Variants in NPFFR2 observed in about 807,000 individuals in gnomAD.
NPFFR2 encodes neuropeptide FF receptor 2, also known as G-protein coupled receptor 74.
Under a neutral mutation model 13.1 loss-of-function variants are expected in NPFFR2, and 15 were observed. The observed-to-expected ratio is 1.15, with a 90% CI of 0.77 to 1.76. The LOEUF (loss-of-function observed/expected upper bound fraction) is 1.76. Among genes scored for constraint, NPFFR2 ranks in the 40% most tolerant of loss-of-function variants. The pLI is 0.00. For synonymous variants in NPFFR2, 190 were observed against 175.7 expected (o/e 1.08, Z -0.65); for missense variants, 572 against 503.5 (o/e 1.14, Z -1.30).
intron 1 of NPFFR2, among the ~76,000 whole-genome samples, chr4:72,119,585 A>G (rs1378910718): frequency 1.3e-5 from 2 of 152,094 alleles, no homozygotes; most frequent in Non-Finnish European, 2.9e-5. Flanking sequence ...TACCCAGTTC[A>G]TCTCATTGGG....
At chr4:72,085,726 AAAG>A (rs1720750326) in intron 1 of NPFFR2, among the ~76,000 whole-genome samples, 1 of 152,144 alleles carries the variant, frequency 6.6e-6, no homozygotes, top group African/African-American at 2.4e-5. Context: ...AATTTTTAAA[AAAG>A]CCTCTGAACC....
chr4:72,147,614 A>T lies in NPFFR2; in HGVS notation c.1065A>T (p.Lys355Asn), dbSNP rs760098542. 4 of 1,614,170 alleles carry T rather than the reference A, an allele frequency of 2.5e-6. No homozygotes were observed. The highest frequency in any genetic ancestry group is 2.2e-5 in the South Asian group (2 of 91,080). The change falls in exon 4 of 4, where the codon AAA becomes AAT. Residue 355 changes from lysine to asparagine, a missense_variant. Transcript: ENST00000308744. ...QEAFQLQLCQKRAKPMEAYAL... is the reference protein window; with the variant it reads ...QEAFQLQLCQNRAKPMEAYAL... ...CTTTCCAGCTCCAGCTCTGCCAAAA[A>T]AGAGCAAAGCCTATGGAAGCTTATG...
intron 2 of NPFFR2, among the ~76,000 whole-genome samples, chr4:72,132,079 T>G (rs1273866956): frequency 6.6e-6 from 1 of 151,888 alleles, no homozygotes; most frequent in East Asian, 1.9e-4. Flanking sequence ...GTCATGGGGG[T>G]TTGTTGTACA....
intron 1 of NPFFR2, among the ~76,000 whole-genome samples, chr4:72,109,739 A>G (rs1026973821): frequency 6.6e-6 from 1 of 151,924 alleles, no homozygotes; most frequent in Non-Finnish European, 1.5e-5. Context: ...ATGAATGCCC[A>G]TTCCCTTGAC....
At chr4:72,117,988 C>A (rs1721761062) in intron 1 of NPFFR2, among the ~76,000 whole-genome samples, 3 of 150,414 alleles carry the variant, frequency 2.0e-5, no homozygotes. Flanking sequence ...GGTTTTAAAG[C>A]CAAAAGGGAG....
chr4:72,094,940 G>C (rs954000715), intron 1 of NPFFR2, among the ~76,000 whole-genome samples: 2 of 152,098 alleles, frequency 1.3e-5, no homozygotes, highest in Non-Finnish European at 2.9e-5. Flanking sequence ...AGTTAGTCCT[G>C]CCTCCTATCT....
chr4:72,079,899 T>G (rs568863962), intron 1 of NPFFR2, among the ~76,000 whole-genome samples: 48 of 152,254 alleles, frequency 3.2e-4, no homozygotes, highest in Admixed American at 2.9e-3. Context: ...ACTTGTTGAA[T>G]GAGGAAAACA....
intron 2 of NPFFR2, among the ~76,000 whole-genome samples, chr4:72,130,650 T>G (rs566861801): frequency 5.9e-5 from 9 of 152,082 alleles, no homozygotes; most frequent in Non-Finnish European, 1.3e-4. Flanking sequence ...CTCAAGCCCC[T>G]TGTGGGAGGG....
At chr4:72,119,286 G>A (rs1311268579) in intron 1 of NPFFR2, among the ~76,000 whole-genome samples, 1 of 152,140 alleles carries the variant, frequency 6.6e-6, no homozygotes, top group Non-Finnish European at 1.5e-5. Flanking sequence ...TGTTATTCCT[G>A]TCAAAGGGAT....
intron 2 of NPFFR2, among the ~76,000 whole-genome samples, chr4:72,134,625 C>T (rs1476524736): frequency 1.3e-5 from 2 of 152,018 alleles, no homozygotes; most frequent in Non-Finnish European, 2.9e-5. Flanking sequence ...TTTTCATTTT[C>T]CTAGATTTAT....
intron 1 of NPFFR2, among the ~76,000 whole-genome samples, chr4:72,094,467 A>G (rs1328806361): frequency 1.3e-5 from 2 of 152,130 alleles, no homozygotes; most frequent in Admixed American, 6.5e-5. Flanking sequence ...GAGAAAGACA[A>G]TCAGTGGAGG....
chr4:72,063,280 AT>A (rs1719971149), intron 1 of NPFFR2, among the ~76,000 whole-genome samples: 1 of 150,340 alleles, frequency 6.7e-6, no homozygotes, highest in Admixed American at 6.6e-5. Flanking sequence ...GGCAAAATGA[AT>A]TTTGCATGGC....
At chr4:72,113,513 C>T (rs1182918127) in intron 1 of NPFFR2, among the ~76,000 whole-genome samples, 1 of 151,994 alleles carries the variant, frequency 6.6e-6, no homozygotes, top group African/African-American at 2.4e-5. Context: ...GGGTAGGACT[C>T]AACTTGTAAT....
intron 1 of NPFFR2, among the ~76,000 whole-genome samples, chr4:72,091,570 A>G (rs1199712998): frequency 6.6e-6 from 1 of 152,088 alleles, no homozygotes; most frequent in Non-Finnish European, 1.5e-5. Flanking sequence ...GGAGGGTTGT[A>G]CATATCCAAG....
intron 1 of NPFFR2, among the ~76,000 whole-genome samples, chr4:72,054,017 A>G (rs1490022186): frequency 1.3e-5 from 2 of 151,934 alleles, no homozygotes; most frequent in African/African-American, 4.8e-5. Flanking sequence ...ACTCAATATT[A>G]TTAAGATTTT....
intron 1 of NPFFR2, among the ~76,000 whole-genome samples, chr4:72,080,663 G>T (rs1458440896): frequency 6.6e-6 from 1 of 152,092 alleles, no homozygotes; most frequent in Non-Finnish European, 1.5e-5. Flanking sequence ...ATTTGTTCTA[G>T]TGTCAACTGT....
At chr4:72,138,569 T>C (rs1353770295) in intron 3 of NPFFR2, among the ~76,000 whole-genome samples, 1 of 152,192 alleles carries the variant, frequency 6.6e-6, no homozygotes, top group Non-Finnish European at 1.5e-5. Flanking sequence ...GCTGCATCCA[T>C]GTCCCTGTAA....
intron 3 of NPFFR2, among the ~76,000 whole-genome samples, chr4:72,139,951 T>C (rs1034876648): frequency 3.9e-5 from 6 of 152,172 alleles, no homozygotes; most frequent in Admixed American, 3.9e-4. Flanking sequence ...GGTTTGTAGT[T>C]CTCCTTGAAG....
chr4:72,052,391 A>T (rs1233564137), intron 1 of NPFFR2, among the ~76,000 whole-genome samples: 1 of 145,530 alleles, frequency 6.9e-6, no homozygotes, highest in Non-Finnish European at 1.5e-5. Context: ...CCAAAGACAA[A>T]AACCACATGA....
Sources: gnomAD v4.1 joint callset for allele counts (sites outside exome capture counted in the v4.1 genomes callset) on GRCh38, gnomAD v4.1.1 for gene constraint, MANE v1.5 for transcripts, NCBI Gene and HGNC (gene_info 2026-07-23, HGNC 2026-07-21) for gene names.